Variants in PTPRA observed in about 807,000 individuals in gnomAD.
The protein encoded by PTPRA is receptor-type tyrosine-protein phosphatase alpha.
A neutral mutation model predicts 104.8 loss-of-function variants in PTPRA; 25 were observed. That is an observed-to-expected ratio of 0.24 (90% CI 0.17 to 0.33). The LOEUF is 0.33. PTPRA is among the 10% of genes least tolerant of loss of function. The pLI is 1.00. For synonymous variants in PTPRA, 323 were observed against 368.9 expected (o/e 0.88, Z 1.43); for missense variants, 765 against 1,015.3 (o/e 0.75, Z 3.35).
intron 10 of PTPRA, among the ~76,000 whole-genome samples, chr20:3,006,885 C>T (rs889258964): frequency 6.6e-6 from 1 of 152,184 alleles, no homozygotes; most frequent in Admixed American, 6.6e-5. Context: ...CCGCCTCTGC[C>T]TCCTGAAGTG....
intron 1 of PTPRA, among the ~76,000 whole-genome samples, chr20:2,876,245 G>A (rs2089709898): frequency 6.6e-6 from 1 of 152,152 alleles, no homozygotes; most frequent in Non-Finnish European, 1.5e-5. Flanking sequence ...GATAATTAAT[G>A]CAGATGAGAG....
intron 1 of PTPRA, among the ~76,000 whole-genome samples, chr20:2,888,582 G>T (rs1252209126): frequency 6.6e-6 from 1 of 151,066 alleles, no homozygotes; most frequent in Non-Finnish European, 1.5e-5. Flanking sequence ...AAAAAAAAAA[G>T]GTTTGTTAGT....
At chr20:2,864,854 C>T in the PTPRA span, 13 of 1,323,966 alleles carry the variant, frequency 9.8e-6, 1 homozygote, top group South Asian at 1.6e-4. This position sits in a 1 kb window ranked among gnomAD's most constrained non-coding sequence, Gnocchi z 5.2. Flanking sequence ...GAGTGGTGCA[C>T]CTAGCAGGCA....
At chr20:2,977,094 G>A (rs2062463512) in intron 6 of PTPRA, among the ~76,000 whole-genome samples, 1 of 152,090 alleles carries the variant, frequency 6.6e-6, no homozygotes, top group South Asian at 2.1e-4. Context: ...TGACCAATAT[G>A]ATAAAACCCC....
intron 2 of PTPRA, among the ~76,000 whole-genome samples, chr20:2,927,710 T>C (rs2060354370): frequency 6.6e-6 from 1 of 152,114 alleles, no homozygotes; most frequent in African/African-American, 2.4e-5. Context: ...TATTTGTTTT[T>C]TAAATCTTAC....
At position 3,012,030 on chromosome 20, in the gene PTPRA, G is replaced by T. The variant is rs1427966301; in HGVS notation, c.907-3819G>T. Among the ~76,000 whole-genome samples, 3 of 152,196 alleles carry T rather than the reference G, an allele frequency of 2.0e-5. No homozygotes were observed. In the East Asian group the frequency reaches 5.8e-4, roughly 29 times the overall value. ...GGAGCATCTGCTAGGAAGAAGCTAG[G>T]TCTCGTGGATTGCTGAGCTGCTAGG... is the stretch of plus-strand genomic sequence containing the variant. On this transcript the variant is annotated intron_variant, in intron 11 of 23. Transcript: ENST00000399903.
At chr20:3,004,907 T>A (rs2063796523) in intron 9 of PTPRA, 149 bp from the exon 10 acceptor site, 5 of 682,180 alleles carry the variant, frequency 7.3e-6, no homozygotes, top group Non-Finnish European at 1.3e-5. Context: ...GAGCATTCTC[T>A]GTGTTAGGCT....
chr20:2,928,345 T>C (rs929628524), intron 2 of PTPRA, among the ~76,000 whole-genome samples: 2 of 152,106 alleles, frequency 1.3e-5, no homozygotes, highest in Non-Finnish European at 2.9e-5. Flanking sequence ...CTGTGTTAGC[T>C]GATCTGCCCT....
At chr20:2,998,197 G>T (rs955580607) in intron 9 of PTPRA, among the ~76,000 whole-genome samples, 1 of 148,220 alleles carries the variant, frequency 6.7e-6, no homozygotes, top group Non-Finnish European at 1.5e-5. Context: ...AAAAAAAAAA[G>T]GCTTAGCTCC....
upstream of PTPRA, among the ~76,000 whole-genome samples, chr20:2,873,079 A>G (rs2089469549): frequency 6.6e-6 from 1 of 152,182 alleles, no homozygotes; most frequent in Admixed American, 6.5e-5. The surrounding 1 kb of genome is among the most constrained non-coding windows in gnomAD (Gnocchi z 4.4). Flanking sequence ...AAAGACCCAC[A>G]GTATCACGTT....
chr20:2,910,064 T>C (rs1358001194), intron 1 of PTPRA, among the ~76,000 whole-genome samples: 1 of 123,956 alleles, frequency 8.1e-6, no homozygotes, highest in Non-Finnish European at 1.6e-5. Context: ...ATATCATATA[T>C]AATATATATG....
At position 3,035,731 on chromosome 20, in the gene PTPRA, ACT is replaced by A; in HGVS notation, c.2046+24_2046+25del. On this transcript the variant is annotated intron_variant, in intron 21 of 23. Coordinates refer to ENST00000399903, the MANE Select transcript of PTPRA (RefSeq NM_001385305.1). This position sits in a 1 kb window ranked among gnomAD's most constrained non-coding sequence, Gnocchi z 5.8. ...CCAGGGTAAGATGGGTCGTGGGTGG[ACT>A]CTGCCCACAGGAAAAGCAGGGTTAC... The A allele has an allele frequency of 1.2e-6, 2 of 1,614,084 alleles. No individual in the cohort carries two copies. Among genetic ancestry groups the A allele is most frequent in the South Asian group, 1.1e-5 (1 of 91,078 alleles).
intron 3 of PTPRA, among the ~76,000 whole-genome samples, chr20:2,961,955 C>A (rs1465830649): frequency 6.6e-6 from 1 of 152,154 alleles, no homozygotes; most frequent in Non-Finnish European, 1.5e-5. Context: ...TTCCATTGAT[C>A]TGTTTGCCTT....
At chr20:2,982,779 C>T (rs1182798803) in intron 6 of PTPRA, among the ~76,000 whole-genome samples, 4 of 152,036 alleles carry the variant, frequency 2.6e-5, no homozygotes, top group African/African-American at 9.7e-5. Context: ...TCACTACAAC[C>T]TCTGCCCCCC....
At chr20:2,956,547 A>T (rs1439121344) in intron 3 of PTPRA, among the ~76,000 whole-genome samples, 4 of 152,144 alleles carry the variant, frequency 2.6e-5, no homozygotes, top group Non-Finnish European at 4.4e-5. Flanking sequence ...TCTCAGTTTG[A>T]AAGACTATGT....
At chr20:2,979,477 C>T (rs572775828) in intron 6 of PTPRA, among the ~76,000 whole-genome samples, 1 of 152,294 alleles carries the variant, frequency 6.6e-6, no homozygotes, top group South Asian at 2.1e-4. Flanking sequence ...TGCTCTTTCA[C>T]ACAACTAATT....
intron 1 of PTPRA, among the ~76,000 whole-genome samples, chr20:2,899,299 G>T (rs142361940): frequency 1.3e-5 from 2 of 152,136 alleles, no homozygotes; most frequent in Admixed American, 1.3e-4. Flanking sequence ...TAATTTATAG[G>T]TATGAATGAC....
intron 1 of PTPRA, among the ~76,000 whole-genome samples, chr20:2,892,568 AG>A (rs1312010670): frequency 6.6e-6 from 1 of 152,146 alleles, no homozygotes; most frequent in Non-Finnish European, 1.5e-5. Flanking sequence ...TGTGATCAGG[AG>A]GGTAAATGAG....
At chr20:2,963,889 A>C (rs1173756382) in intron 3 of PTPRA, among the ~76,000 whole-genome samples, 1 of 152,004 alleles carries the variant, frequency 6.6e-6, no homozygotes, top group Non-Finnish European at 1.5e-5. Context: ...AAATTTTAAA[A>C]ATTAGCCAGG....
Sources: gnomAD v4.1 joint callset for allele counts (sites outside exome capture counted in the v4.1 genomes callset) on GRCh38, gnomAD v4.1.1 for gene constraint, Gnocchi (gnomAD v3.1) non-coding constraint, MANE v1.5 for transcripts, NCBI Gene and HGNC (gene_info 2026-07-23, HGNC 2026-07-21) for gene names.